Variants in FZD3 observed in about 807,000 individuals in gnomAD.
FZD3 encodes frizzled class receptor 3, also known as frizzled-3.
Under a neutral mutation model 60.7 loss-of-function variants are expected in FZD3, and 30 were observed. That is an observed-to-expected ratio of 0.49 (90% CI 0.37 to 0.67). FZD3 has a LOEUF of 0.67. FZD3 is among the 30% of genes least tolerant of loss of function. The pLI, the probability that FZD3 is intolerant of heterozygous loss-of-function variation, is 0.00. For synonymous variants in FZD3, 246 were observed against 275.2 expected (o/e 0.89, Z 1.05); for missense variants, 605 against 838.7 (o/e 0.72, Z 3.44).
chr8:28,529,011 G>A (rs1388897835), intron 5 of FZD3, among the ~76,000 whole-genome samples: 1 of 152,102 alleles, frequency 6.6e-6, no homozygotes, highest in African/African-American at 2.4e-5. Flanking sequence ...AACTCCAAGA[G>A]CTCAAGCAAT....
At chr8:28,504,098 T>C (rs967159831) in intron 3 of FZD3, among the ~76,000 whole-genome samples, 2 of 152,222 alleles carry the variant, frequency 1.3e-5, no homozygotes, top group African/African-American at 4.8e-5. Flanking sequence ...CCTACATGTT[T>C]TGGAATTCTT....
At chr8:28,556,434 A>G (rs1291561862) in intron 7 of FZD3, among the ~76,000 whole-genome samples, 2 of 152,190 alleles carry the variant, frequency 1.3e-5, no homozygotes, top group Non-Finnish European at 2.9e-5. Flanking sequence ...AATAGTATTA[A>G]TATCTGCCTC....
Position 28,527,526 on chromosome 8 carries a change from T to G in FZD3, c.766T>G (p.Phe256Val), listed in dbSNP as rs559054104. 6.2e-7 allele frequency: 1 copy of G among 1,614,082 alleles called. No individual in the cohort carries two copies. The highest frequency in any genetic ancestry group is 1.1e-5 in the South Asian group (1 of 91,082). The change falls in exon 5 of 8, where the codon TTT becomes GTT. Residue 256 changes from phenylalanine (F) to valine (V), a missense_variant. By Grantham distance (50) the Phe-to-Val change is conservative. Coordinates refer to ENST00000240093, the MANE Select transcript of FZD3 (RefSeq NM_017412.4). This position sits in a 1 kb window ranked among gnomAD's most constrained non-coding sequence, Gnocchi z 5.0. ...MMVSLIFFIG[F>V]LLEDRVACNA... ...GGTATCCTTAATTTTCTTCATTGGA[T>G]TTTTGCTTGAAGATCGAGTAGCCTG...
intron 5 of FZD3, among the ~76,000 whole-genome samples, chr8:28,535,098 T>G (rs2130405519): frequency 6.6e-6 from 1 of 152,328 alleles, no homozygotes; most frequent in South Asian, 2.1e-4. Context: ...TTTTATCATG[T>G]TTTTTCAAAA....
rs771706084 is a variant in FZD3 at position 28,572,440 on chromosome 8, T to C, written c.*9429T>C. ...ATTCTCCTTAAAAAAAGTTATCCTTTATTTTGTTGTTAAATTTCCCAGTTT... is the reference window on the plus strand; with the variant it reads ...ATTCTCCTTAAAAAAAGTTATCCTTCATTTTGTTGTTAAATTTCCCAGTTT... On this transcript the variant is annotated 3_prime_UTR_variant, in exon 8 of 8. Coordinates refer to ENST00000240093, the MANE Select transcript of FZD3 (RefSeq NM_017412.4). 16 of 152,224 alleles carry C rather than the reference T, an allele frequency of 1.1e-4. No individual in the cohort carries two copies. Among genetic ancestry groups the C allele is most frequent in the Non-Finnish European group, 2.4e-4 (16 of 68,038 alleles). 9.4% of individuals were successfully genotyped at this position (152,224 alleles called of 1,614,324 possible).
intron 3 of FZD3, among the ~76,000 whole-genome samples, chr8:28,504,058 T>C (rs1029815985): frequency 6.6e-6 from 1 of 152,222 alleles, no homozygotes; most frequent in Non-Finnish European, 1.5e-5. Context: ...CTCTTCAGCC[T>C]ATTTCCATAG....
Position 28,567,397 on chromosome 8 carries a change from A to C in FZD3, c.*4386A>C, listed in dbSNP as rs1295114767. 2 of 152,224 alleles carry C rather than the reference A, an allele frequency of 1.3e-5. No homozygotes were observed. Among genetic ancestry groups the C allele is most frequent in the Non-Finnish European group, 2.9e-5 (2 of 68,098 alleles). The allele number at this position is 152,224 out of a possible 1,614,324, so 9.4% of individuals were successfully genotyped here. ...TGACCTCAAGTGATCTGCCCACCTCAGCCTCCCAAAGTGCTAGGATTACAG... is the reference window on the plus strand; with the variant it reads ...TGACCTCAAGTGATCTGCCCACCTCCGCCTCCCAAAGTGCTAGGATTACAG... On this transcript the variant is annotated 3_prime_UTR_variant, in exon 8 of 8. Coordinates refer to ENST00000240093, the MANE Select transcript of FZD3 (RefSeq NM_017412.4).
chr8:28,571,668 T>G lies in FZD3; in HGVS notation c.*8657T>G, dbSNP rs993205256. The G allele has an allele frequency of 6.6e-6, 1 of 152,202 alleles. No individual in the cohort carries two copies. The highest frequency in any genetic ancestry group is 2.1e-4 in the South Asian group (1 of 4,828). The allele number at this position is 152,202 out of a possible 1,614,324, so 9.4% of individuals were successfully genotyped here. On this transcript the variant is annotated 3_prime_UTR_variant, in exon 8 of 8. Coordinates refer to ENST00000240093, the MANE Select transcript of FZD3 (RefSeq NM_017412.4). The stretch of plus-strand genomic sequence containing the variant: ...CTGCTTTTATTTTCAAATGTCAAAT[T>G]GTATTTTTGTGTTTTATTTTCTCAT...
chr8:28,549,511 T>TACCTGGA, intron 5 of FZD3, among the ~76,000 whole-genome samples: 1 of 152,178 alleles, frequency 6.6e-6, no homozygotes, highest in Non-Finnish European at 1.5e-5. Context: ...ATATTATTTA[T>TACCTGGA]AAATAATGAT....
chr8:28,496,237 T>C (rs1393022377), intron 1 of FZD3, among the ~76,000 whole-genome samples: 1 of 152,202 alleles, frequency 6.6e-6, no homozygotes, highest in African/African-American at 2.4e-5. Context: ...AGTTATCTGT[T>C]TCCCAGGAAA....
rs936643757 is a variant in FZD3, at chr8:28,571,201, T to G, written c.*8190T>G. The stretch of plus-strand genomic sequence containing the variant: ...AGTAATCCTAGAGTGATTTACTTTA[T>G]GTTTAGCCATCCACCATTTTCCTAT... On this transcript the variant is annotated 3_prime_UTR_variant, in exon 8 of 8. Transcript: ENST00000240093. 8 of 152,174 alleles carry G rather than the reference T, an allele frequency of 5.3e-5. No homozygotes were observed. The highest frequency in any genetic ancestry group is 4.4e-5 in the Non-Finnish European group (3 of 68,016). 9.4% of individuals were successfully genotyped at this position (152,174 alleles called of 1,614,324 possible).
Position 28,498,405 on chromosome 8 carries a change from G to A in FZD3, c.-390-1528G>A, listed in dbSNP as rs751401998. 6.3e-4 allele frequency among the ~76,000 whole-genome samples: 95 copies of A among 151,576 alleles called. 2 individuals carry two copies. The highest frequency in any genetic ancestry group is 2.1e-4 in the Non-Finnish European group (14 of 67,944). On this transcript the variant is annotated intron_variant, in intron 1 of 7. Coordinates refer to ENST00000240093, the MANE Select transcript of FZD3 (RefSeq NM_017412.4). ...GCTACATTTTGATAGGATCTCTTTG[G>A]GTCCAGAATCTTTGCTATGTCCTGC...
At chr8:28,507,524 C>G (rs1804172171) in intron 3 of FZD3, among the ~76,000 whole-genome samples, 1 of 152,082 alleles carries the variant, frequency 6.6e-6, no homozygotes, top group African/African-American at 2.4e-5. Flanking sequence ...TTTCCTAGAC[C>G]AATAGTTTTG....
intron 5 of FZD3, among the ~76,000 whole-genome samples, chr8:28,538,206 T>TATCA (rs920807346): frequency 1.3e-5 from 2 of 151,620 alleles, no homozygotes; most frequent in African/African-American, 4.8e-5. Context: ...AATTCTAACC[T>TATCA]ATCACTATAA....
At chr8:28,538,932 C>A (rs561924291) in intron 5 of FZD3, among the ~76,000 whole-genome samples, 1 of 151,452 alleles carries the variant, frequency 6.6e-6, no homozygotes. Flanking sequence ...CAGCCTCTGC[C>A]CTACAGTTCA....
chr8:28,556,123 T>C, intron 7 of FZD3, 152 bp downstream of exon 7: 2 of 620,982 alleles, frequency 3.2e-6, no homozygotes, highest in Admixed American at 5.6e-5. Context: ...TGGTCAGACT[T>C]AAAGTCAGTC....
At chr8:28,539,693 A>G (rs1585986234) in intron 5 of FZD3, among the ~76,000 whole-genome samples, 1 of 152,214 alleles carries the variant, frequency 6.6e-6, no homozygotes. Context: ...ATATTTTGCA[A>G]TGAATTTATT....
Position 28,565,142 on chromosome 8 carries a change from T to A in FZD3, c.*2131T>A, listed in dbSNP as rs916024969. 1 of 152,188 alleles carries A rather than the reference T, an allele frequency of 6.6e-6. No individual in the cohort carries two copies. The highest frequency in any genetic ancestry group is 2.4e-5 in the African/African-American group (1 of 41,444). The allele number at this position is 152,188 out of a possible 1,614,324, so 9.4% of individuals were successfully genotyped here. ...AGCAAAGTCAGTTTTCTGATAGTAA[T>A]AATTTGTCTATTATGTTATATATTT... On this transcript the variant is annotated 3_prime_UTR_variant, in exon 8 of 8. Coordinates refer to ENST00000240093, the MANE Select transcript of FZD3 (RefSeq NM_017412.4).
intron 2 of FZD3, among the ~76,000 whole-genome samples, chr8:28,500,308 G>T (rs1803955231): frequency 6.6e-6 from 1 of 152,126 alleles, no homozygotes; most frequent in Non-Finnish European, 1.5e-5. Context: ...TGCTTTACTT[G>T]CAAGTAAGGC....
Sources: gnomAD v4.1 joint callset for allele counts (sites outside exome capture counted in the v4.1 genomes callset) on GRCh38, gnomAD v4.1.1 for gene constraint, Gnocchi (gnomAD v3.1) non-coding constraint, MANE v1.5 for transcripts, NCBI Gene and HGNC (gene_info 2026-07-23, HGNC 2026-07-21) for gene names.